The following SRMS variants were observed in gnomAD, a reference collection of about 807,000 sequenced individuals.
The protein encoded by SRMS is src-related kinase lacking C-terminal regulatory tyrosine and N-terminal myristylation sites.
A neutral mutation model predicts 43.5 loss-of-function variants in SRMS; 42 were observed. The observed-to-expected ratio is 0.97, with a 90% CI of 0.75 to 1.25. SRMS has a LOEUF of 1.25. SRMS is among the 50% of genes most tolerant of loss of function. The pLI is 0.00. For missense variants in SRMS, 703 were observed against 681.0 expected, an observed-to-expected ratio of 1.03 and a Z score of -0.36; for synonymous variants, 316 against 308.2, an observed-to-expected ratio of 1.03 and a Z score of -0.27.
chr20:63,541,024 C>T (rs1413910256), intron 7 of SRMS, 25 bp from the exon 8 acceptor site: 1 of 1,606,972 alleles, frequency 6.2e-7, no homozygotes, highest in East Asian at 2.2e-5. Context: ...GCAAGAGCTG[C>T]CTCGATTCTG....
chr20:63,542,083 C>G (rs1021308695), intron 5 of SRMS, 80 bp downstream of exon 5: 3 of 1,534,066 alleles, frequency 2.0e-6, no homozygotes, highest in East Asian at 4.6e-5. Flanking sequence ...TCGGAAACCC[C>G]GCAGGTTCAG....
intron 3 of SRMS, among the ~76,000 whole-genome samples, chr20:63,542,996 G>A (rs1354729375): frequency 6.6e-6 from 1 of 152,180 alleles, no homozygotes; most frequent in Non-Finnish European, 1.5e-5. Flanking sequence ...CTTGGGGCCT[G>A]GGGCAGCCTT....
rs754622559 is a variant in SRMS, at chr20:63,543,375, G to A, written c.584C>T (p.Thr195Ile). 1.2e-6 allele frequency: 2 copies of A among 1,612,826 alleles called. No individual in the cohort carries two copies. The highest frequency in any genetic ancestry group is 2.2e-5 in the South Asian group (2 of 91,090). ...CAGCTTCCAGTTGGCCTTGTAGTAG[G>A]TGAGCAGCTCCTCCAGGCCGGGAAA... ...RLFPGLEELL[T>I]YYKANWKLIQ... The change falls in exon 3 of 8, where the codon ACC becomes ATC. Residue 195 changes from threonine to isoleucine, a missense_variant. Thr to Ile is a moderately conservative substitution (Grantham distance 89). Coordinates refer to ENST00000217188, the MANE Select transcript of SRMS (RefSeq NM_080823.4).
chr20:63,543,269 A>T, intron 3 of SRMS, 45 bp downstream of exon 3: 2 of 1,601,384 alleles, frequency 1.2e-6, no homozygotes, highest in Non-Finnish European at 1.7e-6. Context: ...GAACAGGGCC[A>T]TGCCTCGGGC....
intron 3 of SRMS, 125 bp downstream of exon 3, chr20:63,543,189 T>G: frequency 8.4e-7 from 1 of 1,189,684 alleles, no homozygotes; most frequent in Non-Finnish European, 1.2e-6. Flanking sequence ...CTCCCAGGCC[T>G]GGGCAGGGCC....
chr20:63,544,449 C>A, intron 1 of SRMS, 101 bp from the exon 2 acceptor site: 1 of 1,351,146 alleles, frequency 7.4e-7, no homozygotes. Flanking sequence ...GGCTGTCCCA[C>A]CGCCTCAGGG....
At position 63,547,229 on chromosome 20, in the gene SRMS, A is replaced by G; in HGVS notation, c.235T>C (p.Cys79Arg). The G allele has an allele frequency of 1.2e-6, 2 of 1,612,044 alleles. No homozygotes were observed. The highest frequency in any genetic ancestry group is 1.7e-6 in the Non-Finnish European group (2 of 1,179,532). The stretch of plus-strand genomic sequence containing the variant: ...TAGCCGCCCCCCTCTTCGAGGGCAC[A>G]GAGCCTGTCCCCGCGGCGGACACTC... ...ELSVRRGDRL[C>R]ALEEGGGYIF... The change falls in exon 1 of 8, where the codon TGT becomes CGT. Residue 79 changes from cysteine (C) to arginine (R), a missense_variant. Physicochemically the swap from Cys to Arg is radical, Grantham distance 180. Coordinates refer to ENST00000217188, the MANE Select transcript of SRMS (RefSeq NM_080823.4).
Position 63,541,089 on chromosome 20 carries a change from C to A in SRMS, c.1286-90G>T. The A allele has an allele frequency of 2.5e-6, 4 of 1,582,486 alleles. No individual in the cohort carries two copies. In the South Asian group the frequency reaches 4.5e-5, roughly 18 times the overall value. On this transcript the variant is annotated intron_variant, in intron 7 of 7. Coordinates refer to ENST00000217188, the MANE Select transcript of SRMS (RefSeq NM_080823.4). ...GTAGCCCCCCATGTCATCTGCCTGC[C>A]CTTGGCCAGACCCTCCAACCCCTTG...
At position 63,547,618 on chromosome 20, in the gene SRMS, G is replaced by A; in HGVS notation, c.-155C>T. ...CCCTGCGGTCACTCAGAGGTCCCCT[G>A]GATCCAGGAGGCACACGGTTCCCAC... On this transcript the variant is annotated 5_prime_UTR_variant, in exon 1 of 8. Transcript: ENST00000217188. The A allele has an allele frequency of 1.5e-6, 1 of 663,904 alleles. No homozygotes were observed. The highest frequency in any genetic ancestry group is 2.4e-6 in the Non-Finnish European group (1 of 422,708). 41.1% of individuals were successfully genotyped at this position (663,904 alleles called of 1,614,324 possible). A position where few individuals can be genotyped will look rare whatever the true frequency, so the allele number is the denominator to read the frequency against.
intron 1 of SRMS, among the ~76,000 whole-genome samples, chr20:63,545,980 TG>T (rs1435579353): frequency 1.2e-4 from 18 of 152,122 alleles, no homozygotes; most frequent in Admixed American, 1.2e-3. Context: ...AGGATGTGTC[TG>T]AGGTCTCTCC....
At chr20:63,542,380 G>A in intron 4 of SRMS, 59 bp from the exon 5 acceptor site, 1 of 1,598,128 alleles carries the variant, frequency 6.3e-7, no homozygotes, top group Non-Finnish European at 8.6e-7. Context: ...CTGCCCTGGG[G>A]CTTGAGGGTT....
Position 63,542,251 on chromosome 20 carries a change from G to C in SRMS, c.858C>G (p.Ile286Met). Reference sequence around the variant, plus strand: ...CGCCCGAGCACACTGCGTGCAGCCGGATGAGCCGCTCGTGCCGCAGGCCCT... The same window carrying C: ...CGCCCGAGCACACTGCGTGCAGCCGCATGAGCCGCTCGTGCCGCAGGCCCT... The part of the protein sequence containing the change: ...TLKGLRHERL[I>M]RLHAVCSGGE... The change falls in exon 5 of 8, where the codon ATC becomes ATG. Residue 286 changes from isoleucine (I) to methionine (M), a missense_variant. By Grantham distance (10) the Ile-to-Met change is conservative. Transcript: ENST00000217188. 6.2e-7 allele frequency: 1 copy of C among 1,612,752 alleles called. No individual in the cohort carries two copies. Among genetic ancestry groups the C allele is most frequent in the Non-Finnish European group, 8.5e-7 (1 of 1,179,760 alleles).
At chr20:63,541,744 T>C (rs2082705185) in intron 5 of SRMS, 124 bp from the exon 6 acceptor site, 17 of 1,256,078 alleles carry the variant, frequency 1.4e-5, no homozygotes, top group Non-Finnish European at 1.8e-5. Context: ...GAGGATGGCA[T>C]GGCCGGCTAA....
At chr20:63,542,732 G>T (rs1368719453) in intron 3 of SRMS, 151 bp from the exon 4 acceptor site, 1 of 1,085,736 alleles carries the variant, frequency 9.2e-7, no homozygotes, top group Non-Finnish European at 1.3e-6. Context: ...TGGGTGCCAG[G>T]CTTGGAGGCC....
chr20:63,547,232 G>A lies in SRMS; in HGVS notation c.232C>T (p.Leu78Phe), dbSNP rs1346024899. ...GELSVRRGDRLCALEEGGGYI... is the reference protein window; with the variant it reads ...GELSVRRGDRFCALEEGGGYI... ...CCGCCCCCCTCTTCGAGGGCACAGA[G>A]CCTGTCCCCGCGGCGGACACTCAGC... Residue 78 changes from leucine (L) to phenylalanine (F), a missense_variant, in exon 1 of 8, where the codon CTC becomes TTC. Transcript: ENST00000217188. The A allele has an allele frequency of 6.8e-6, 11 of 1,611,508 alleles. No homozygotes were observed. The highest frequency in any genetic ancestry group is 2.2e-5 in the East Asian group (1 of 44,820).
Position 63,547,161 on chromosome 20 carries a change from G to C in SRMS, c.303C>G (p.Leu101=). ...RRLSGQPSAG[L]VPITHVAKAS... is the part of the protein sequence containing the mutation. The stretch of plus-strand genomic sequence containing the variant: ...CCTTGGCCACGTGGGTGATGGGCAC[G>C]AGCCCGGCGCTGGGCTGGCCCGAAA... Residue 101 remains leucine, a synonymous_variant, in exon 1 of 8, where the codon CTC becomes CTG. Transcript: ENST00000217188. 6.2e-7 allele frequency: 1 copy of C among 1,610,032 alleles called. No individual in the cohort carries two copies. Among genetic ancestry groups the C allele is most frequent in the Non-Finnish European group, 8.5e-7 (1 of 1,178,354 alleles).
intron 3 of SRMS, among the ~76,000 whole-genome samples, chr20:63,542,907 G>A (rs1377881075): frequency 6.6e-6 from 1 of 152,156 alleles, no homozygotes; most frequent in Non-Finnish European, 1.5e-5. Context: ...GGCTCACATC[G>A]GGGACAGTCC....
At chr20:63,543,696 G>C (rs1015439945) in intron 2 of SRMS, 2 of 577,470 alleles carry the variant, frequency 3.5e-6, no homozygotes, top group African/African-American at 1.9e-5. Flanking sequence ...TTCTGCTGAC[G>C]GTGTGCACAG....
At position 63,541,224 on chromosome 20, in the gene SRMS, C is replaced by T. The variant is rs1028758217; in HGVS notation, c.1252G>A (p.Glu418Lys). The T allele has an allele frequency of 8.3e-6, 13 of 1,564,774 alleles. No homozygotes were observed. Among genetic ancestry groups the T allele is most frequent in the Middle Eastern group, 1.7e-4 (1 of 5,852 alleles). ...GGACACTGGCCATAGGTGAAAACCT[C>T]GTGCAGCAGGACGCCGAAGGACCAG... Reference protein sequence around the residue: ...DVWSFGVLLHEVFTYGQCPYE... With the variant: ...DVWSFGVLLHKVFTYGQCPYE... The change falls in exon 7 of 8, where the codon GAG (glutamate) becomes AAG (lysine). Residue 418 changes from glutamate to lysine, a missense_variant. Coordinates refer to ENST00000217188, the MANE Select transcript of SRMS (RefSeq NM_080823.4).
Sources: allele counts gnomAD v4.1 joint callset (sites outside exome capture counted in the v4.1 genomes callset), GRCh38; gene constraint gnomAD v4.1.1; transcripts MANE v1.5; gene names NCBI Gene and HGNC (gene_info 2026-07-23, HGNC 2026-07-21).